Variants in PPP6R3 observed in about 807,000 individuals in gnomAD.
PPP6R3 encodes the protein serine/threonine-protein phosphatase 6 regulatory subunit 3.
A neutral mutation model predicts 110.7 loss-of-function variants in PPP6R3; 38 were observed. The ratio of observed to expected loss-of-function variants is 0.34; its 90% CI spans 0.26 to 0.45. The LOEUF (loss-of-function observed/expected upper bound fraction) is 0.45. Ranked by LOEUF, PPP6R3 falls within the 20% of genes least tolerant of loss-of-function variation. The probability of loss-of-function intolerance (pLI) is 1.00; values close to 1 mark genes in which losing one functional copy is unlikely to be tolerated. For missense variants in PPP6R3, 870 were observed against 1,062.4 expected, an observed-to-expected ratio of 0.82 and a Z score of 2.52; for synonymous variants, 369 against 373.5, an observed-to-expected ratio of 0.99 and a Z score of 0.14.
rs537187614 is a variant in PPP6R3 at position 68,590,463 on chromosome 11, CTCCTA to C, written c.1731-191_1731-187del. On this transcript the variant is annotated intron_variant, in intron 16 of 23. Coordinates refer to ENST00000393800, the MANE Select transcript of PPP6R3 (RefSeq NM_001164161.2). Reference sequence around the variant, plus strand: ...GTCTCAGAAGGCTTCTATTGCAGCCCTCCTATCCTACATAAATTCATTAATACCAA... The same window carrying C: ...GTCTCAGAAGGCTTCTATTGCAGCCCTCCTACATAAATTCATTAATACCAA... Among the ~76,000 whole-genome samples, 19 of 152,250 alleles carry C rather than the reference CTCCTA, an allele frequency of 1.2e-4. No homozygotes were observed. The East Asian group carries it at 3.5e-3, about 28-fold the overall frequency.
intron 2 of PPP6R3, among the ~76,000 whole-genome samples, chr11:68,525,065 A>G (rs562599489): frequency 1.3e-5 from 2 of 152,358 alleles, no homozygotes; most frequent in African/African-American, 4.8e-5. Flanking sequence ...TTGACTAGGA[A>G]AAGTGCACAC....
At chr11:68,591,785 T>C in intron 18 of PPP6R3, 79 bp downstream of exon 18, 1 of 1,453,342 alleles carries the variant, frequency 6.9e-7, no homozygotes, top group Non-Finnish European at 9.1e-7. Context: ...CATTGTGTCA[T>C]CACCAAACAT....
chr11:68,572,025 TA>T (rs201961743), intron 12 of PPP6R3, among the ~76,000 whole-genome samples: 43 of 152,146 alleles, frequency 2.8e-4, no homozygotes, highest in East Asian at 9.6e-4. Context: ...TTTTTTTTTT[TA>T]AATCGTTTAA....
In PPP6R3 at chr11:68,519,589, G is replaced by A. The variant is rs888051248; in HGVS notation, c.-69G>A. 4 of 398,396 alleles carry A rather than the reference G, an allele frequency of 1.0e-5. No individual in the cohort carries two copies. The highest frequency in any genetic ancestry group is 6.2e-5 in the African/African-American group (3 of 48,588). 24.7% of individuals were successfully genotyped at this position (398,396 alleles called of 1,614,324 possible). A position where few individuals can be genotyped will look rare whatever the true frequency, so the allele number is the denominator to read the frequency against. On this transcript the variant is annotated 5_prime_UTR_variant, in exon 2 of 24. Transcript: ENST00000393800. ...AGGAAAACTGTTACCAGGATAACCT[G>A]TAATGGGCAAGGAGCCACAAAGAAG...
chr11:68,572,578 G>A (rs537687517), intron 12 of PPP6R3, among the ~76,000 whole-genome samples: 21 of 152,250 alleles, frequency 1.4e-4, no homozygotes, highest in African/African-American at 4.8e-4. Context: ...GGCCAGGCAC[G>A]GTGGGAGATG....
chr11:68,610,746 C>T (rs1461272112), intron 23 of PPP6R3, among the ~76,000 whole-genome samples: 3 of 152,188 alleles, frequency 2.0e-5, no homozygotes, highest in Non-Finnish European at 4.4e-5. Context: ...GCACTTCCCA[C>T]AATCAACTTC....
intron 10 of PPP6R3, among the ~76,000 whole-genome samples, chr11:68,567,441 G>A (rs1442282445): frequency 1.3e-5 from 2 of 152,164 alleles, no homozygotes; most frequent in Middle Eastern, 3.2e-3. Context: ...GCTCCGTCTC[G>A]TGGACAATGA....
At chr11:68,465,601 A>G (rs1303627379) in intron 1 of PPP6R3, among the ~76,000 whole-genome samples, 4 of 152,198 alleles carry the variant, frequency 2.6e-5, no homozygotes, top group African/African-American at 7.2e-5. Flanking sequence ...ACCACCATCT[A>G]CTTCTAATAT....
intron 2 of PPP6R3, among the ~76,000 whole-genome samples, chr11:68,527,809 G>C (rs1466714391): frequency 6.6e-6 from 1 of 152,134 alleles, no homozygotes; most frequent in African/African-American, 2.4e-5. Flanking sequence ...CTACCCAAAG[G>C]CTCCTCCTTC....
At position 68,537,816 on chromosome 11, in the gene PPP6R3, C is replaced by T; in HGVS notation, c.152C>T (p.Ala51Val). The change falls in exon 3 of 24, where the codon GCA becomes GTA. Residue 51 changes from alanine to valine, a missense_variant. Coordinates refer to ENST00000393800, the MANE Select transcript of PPP6R3 (RefSeq NM_001164161.2). The part of the protein sequence containing the change: ...NRKLIEFLLK[A>V]ECLEDLVSFI... ...AAACTTATAGAGTTTCTGTTAAAAGCAGAATGTCTCGAAGATTTAGTCTCA... is the reference window on the plus strand; with the variant it reads ...AAACTTATAGAGTTTCTGTTAAAAGTAGAATGTCTCGAAGATTTAGTCTCA... 1 of 1,614,022 alleles carries T rather than the reference C, an allele frequency of 6.2e-7. No homozygotes were observed. Among genetic ancestry groups the T allele is most frequent in the Non-Finnish European group, 8.5e-7 (1 of 1,179,928 alleles).
intron 1 of PPP6R3, among the ~76,000 whole-genome samples, chr11:68,493,574 G>T (rs1386787367): frequency 6.8e-6 from 1 of 147,396 alleles, no homozygotes; most frequent in Non-Finnish European, 1.5e-5. Flanking sequence ...TAGGACAATA[G>T]GTGTGAGCCA....
intron 1 of PPP6R3, among the ~76,000 whole-genome samples, chr11:68,509,008 T>C (rs2099093931): frequency 6.6e-6 from 1 of 152,278 alleles, no homozygotes; most frequent in Admixed American, 6.5e-5. Flanking sequence ...TGTCAACTAC[T>C]GAACCACATC....
Position 68,477,741 on chromosome 11 carries a change from A to AAAAAAATATAT in PPP6R3, c.-158+16915_-158+16916insAAAAATATATA. Among the ~76,000 whole-genome samples, 71 of 57,894 alleles carry AAAAAAATATAT rather than the reference A, an allele frequency of 1.2e-3. 1 individual carries two copies. The highest frequency in any genetic ancestry group is 0.011 in the Middle Eastern group (1 of 88). The allele number at this position is 57,894 out of a possible 152,430, so 38.0% of individuals were successfully genotyped here. A position where few individuals can be genotyped will look rare whatever the true frequency, so the allele number is the denominator to read the frequency against. ...GACATTGTCTCTTAAAAAAAAAAAA[A>AAAAAAATATAT]ATATATATATATATATATATATATA... On this transcript the variant is annotated intron_variant, in intron 1 of 23. Transcript: ENST00000393800.
At chr11:68,580,898 A>G (rs2099551786) in intron 14 of PPP6R3, among the ~76,000 whole-genome samples, 1 of 151,388 alleles carries the variant, frequency 6.6e-6, no homozygotes, top group Non-Finnish European at 1.5e-5. Flanking sequence ...CAGCCTCCTG[A>G]GTAGCTGGGA....
chr11:68,612,552 A>C (rs1486315549), intron 23 of PPP6R3, among the ~76,000 whole-genome samples: 3 of 150,422 alleles, frequency 2.0e-5, no homozygotes, highest in Admixed American at 2.0e-4. Flanking sequence ...GCTTTGTGGG[A>C]CATGTTCTTC....
At chr11:68,596,050 G>C in intron 18 of PPP6R3, 47 bp from the exon 19 acceptor site, 1 of 1,609,496 alleles carries the variant, frequency 6.2e-7, no homozygotes, top group Non-Finnish European at 8.5e-7. Context: ...GGATTTAGCT[G>C]GTGGCTGATA....
At chr11:68,606,427 A>G (rs1490110272) in intron 22 of PPP6R3, among the ~76,000 whole-genome samples, 2 of 151,026 alleles carry the variant, frequency 1.3e-5, no homozygotes, top group Admixed American at 1.3e-4. Context: ...CTCCCAAGTA[A>G]CTGGGACTAG....
In PPP6R3 at chr11:68,580,225, G is replaced by A. The variant is rs185674187; in HGVS notation, c.1546-2818G>A. 2.0e-5 allele frequency among the ~76,000 whole-genome samples: 3 copies of A among 152,298 alleles called. No individual in the cohort carries two copies. In the East Asian group the frequency reaches 5.8e-4, roughly 29 times the overall value. Reference sequence around the variant, plus strand: ...CAGTAAGCAAAGGAGAGAACAGAAGGACTTGAGGCCAGAAAGGCGCCAAAC... The same window carrying A: ...CAGTAAGCAAAGGAGAGAACAGAAGAACTTGAGGCCAGAAAGGCGCCAAAC... On this transcript the variant is annotated intron_variant, in intron 14 of 23. Coordinates refer to ENST00000393800, the MANE Select transcript of PPP6R3 (RefSeq NM_001164161.2).
chr11:68,494,248 G>A (rs942374506), intron 1 of PPP6R3, among the ~76,000 whole-genome samples: 2 of 149,398 alleles, frequency 1.3e-5, no homozygotes, highest in East Asian at 2.0e-4. Flanking sequence ...CATCATGGCC[G>A]GGCACGGTGG....
Sources: gnomAD v4.1 joint callset for allele counts (sites outside exome capture counted in the v4.1 genomes callset) on GRCh38, gnomAD v4.1.1 for gene constraint, MANE v1.5 for transcripts, NCBI Gene and HGNC (gene_info 2026-07-23, HGNC 2026-07-21) for gene names.